FLT3: variants seen among roughly 807,000 people sequenced by gnomAD.
FLT3 encodes the protein receptor-type tyrosine-protein kinase FLT3.
FLT3 carries 46 observed loss-of-function variants against 126.6 expected under a neutral mutation model. That is an observed-to-expected ratio of 0.36 (90% confidence interval 0.29 to 0.46). FLT3 has a LOEUF of 0.46. Among genes scored for constraint, FLT3 ranks in the 20% least tolerant of loss-of-function variants. The probability of loss-of-function intolerance (pLI) is 1.00; values close to 1 mark genes in which losing one functional copy is unlikely to be tolerated. For missense variants in FLT3, 1,069 were observed against 1,190.3 expected, an observed-to-expected ratio of 0.90 and a Z score of 1.50; for synonymous variants, 404 against 434.4, an observed-to-expected ratio of 0.93 and a Z score of 0.87.
rs371030554 is a variant in FLT3, at chr13:28,049,387, C to T, written c.1033G>A (p.Val345Ile). 1.9e-5 allele frequency: 31 copies of T among 1,612,880 alleles called. No individual in the cohort carries two copies. In the Middle Eastern group the frequency reaches 1.3e-3, roughly 69 times the overall value. Reference sequence around the variant, plus strand: ...TTGTGTGAGCAGCCTGCATTACCTACGATGGTAACCAAAGCTGATTGACTG... The same window carrying T: ...TTGTGTGAGCAGCCTGCATTACCTATGATGGTAACCAAAGCTGATTGACTG... ...HPSQSALVTI[V>I]EKGFINATNS... The change falls in exon 8 of 24, where the codon GTA becomes ATA. Residue 345 changes from valine (V) to isoleucine (I), a missense_variant. Transcript: ENST00000241453.
chr13:28,026,217 G>T (rs915165509), intron 17 of FLT3, among the ~76,000 whole-genome samples: 1 of 151,948 alleles, frequency 6.6e-6, no homozygotes, highest in African/African-American at 2.4e-5. Context: ...GGGCGTGGTG[G>T]CACATGCCTG....
At chr13:28,090,598 C>T (rs1208094222) in intron 1 of FLT3, among the ~76,000 whole-genome samples, 1 of 151,980 alleles carries the variant, frequency 6.6e-6, no homozygotes. Context: ...GCCAACATGG[C>T]AAAGCCCCAT....
intron 23 of FLT3, among the ~76,000 whole-genome samples, chr13:28,010,951 G>A (rs576507104): frequency 2.1e-4 from 31 of 146,174 alleles, no homozygotes; most frequent in Non-Finnish European, 3.2e-4. Context: ...TGCAGTGAGC[G>A]GAGATCACGC....
chr13:28,052,437 T>G (rs1875597507), intron 5 of FLT3, 108 bp downstream of exon 5: 2 of 1,175,158 alleles, frequency 1.7e-6, no homozygotes, highest in Non-Finnish European at 2.4e-6. Flanking sequence ...CAAAGTTTCC[T>G]GTTTAAATGA....
At position 28,004,486 on chromosome 13, in the gene FLT3, TG is replaced by T. The variant is rs1870706565; in HGVS notation, c.2860-313del. On this transcript the variant is annotated intron_variant, in intron 23 of 23. Transcript: ENST00000241453. ...ACACCCTGCTAATTTTTTTATTTTT[TG>T]TAAAGACAAAGTCTCACTATGTTGT... Among the ~76,000 whole-genome samples the T allele has an allele frequency of 2.0e-5, 3 of 152,060 alleles. No homozygotes were observed. In the South Asian group the frequency reaches 6.2e-4, roughly 32 times the overall value.
chr13:28,072,877 C>T (rs112031550), intron 1 of FLT3, among the ~76,000 whole-genome samples: 4,786 of 152,034 alleles, frequency 0.031, 251 homozygotes, highest in African/African-American at 0.11. Flanking sequence ...TGGTGGCAGG[C>T]GCCTGCAGTC....
At chr13:28,066,247 G>T (rs1877024157) in intron 2 of FLT3, among the ~76,000 whole-genome samples, 2 of 152,128 alleles carry the variant, frequency 1.3e-5, no homozygotes, top group South Asian at 4.1e-4. Context: ...CCAGGGTATG[G>T]GTTAGTAATT....
At chr13:28,090,874 T>G (rs1210257738) in intron 1 of FLT3, among the ~76,000 whole-genome samples, 1 of 152,080 alleles carries the variant, frequency 6.6e-6, no homozygotes, top group African/African-American at 2.4e-5. Flanking sequence ...TTAATGGAAA[T>G]TCCCAGAATC....
At chr13:28,072,168 ATGTG>A (rs1877575707) in intron 1 of FLT3, among the ~76,000 whole-genome samples, 2 of 150,468 alleles carry the variant, frequency 1.3e-5, no homozygotes, top group Admixed American at 6.7e-5. Flanking sequence ...TTTATATATA[ATGTG>A]TGTATGTATA....
At chr13:28,091,157 T>C (rs1879004871) in intron 1 of FLT3, among the ~76,000 whole-genome samples, 1 of 150,616 alleles carries the variant, frequency 6.6e-6, no homozygotes, top group Non-Finnish European at 1.5e-5. Context: ...AGTTATCAGC[T>C]TTGAAAACTG....
chr13:28,040,354 G>A (rs1593249170), intron 9 of FLT3, among the ~76,000 whole-genome samples: 1 of 151,658 alleles, frequency 6.6e-6, no homozygotes, highest in Non-Finnish European at 1.5e-5. Context: ...AGAGGCACCA[G>A]AAAAAAAGAA....
At chr13:28,088,778 G>A (rs2137822467) in intron 1 of FLT3, among the ~76,000 whole-genome samples, 1 of 151,138 alleles carries the variant, frequency 6.6e-6, no homozygotes, top group South Asian at 2.1e-4. Context: ...TAGAGACGGG[G>A]TTTCACTATG....
Position 28,077,096 on chromosome 13 carries a change from A to AG in FLT3, c.44-6485_44-6484insC, listed in dbSNP as rs58457473. 7.5e-4 allele frequency among the ~76,000 whole-genome samples: 7 copies of AG among 9,294 alleles called. No individual in the cohort carries two copies. The East Asian group carries it at 0.21, about 273-fold the overall frequency. The allele number at this position is 9,294 out of a possible 152,430, so 6.1% of individuals were successfully genotyped here. On this transcript the variant is annotated intron_variant, in intron 1 of 23. Coordinates refer to ENST00000241453, the MANE Select transcript of FLT3 (RefSeq NM_004119.3). ...AAAAGAAAGAAAGAAAGAAAAAGAG[A>AG]AAAAGAAAGAGAGAGAGAAAGAAAG... is the stretch of plus-strand genomic sequence containing the variant.
At chr13:28,052,261 A>G (rs551907892) in intron 5 of FLT3, among the ~76,000 whole-genome samples, 2 of 150,504 alleles carry the variant, frequency 1.3e-5, no homozygotes, top group Admixed American at 1.3e-4. Context: ...CACCCAGTTA[A>G]TTTTTTGTAT....
Position 28,037,277 on chromosome 13 carries a change from A to T in FLT3, c.1217T>A (p.Phe406Tyr). 1.9e-6 allele frequency: 3 copies of T among 1,603,564 alleles called. No homozygotes were observed. The highest frequency in any genetic ancestry group is 2.6e-6 in the Non-Finnish European group (3 of 1,170,854). ...TCCTGGCTGGTGCTTATGATTGCAAAACTTGGATATGCTGTTTGAAAAAGA... is the reference window on the plus strand; with the variant it reads ...TCCTGGCTGGTGCTTATGATTGCAATACTTGGATATGCTGTTTGAAAAAGA... ...GLDNGYSISKFCNHKHQPGEY... is the reference protein window; with the variant it reads ...GLDNGYSISKYCNHKHQPGEY... The change falls in exon 10 of 24, where the codon TTT (phenylalanine) becomes TAT (tyrosine). Residue 406 changes from phenylalanine to tyrosine, a missense_variant. Physicochemically the swap from Phe to Tyr is conservative, Grantham distance 22 (BLOSUM62 3). Coordinates refer to ENST00000241453, the MANE Select transcript of FLT3 (RefSeq NM_004119.3).
At chr13:28,059,684 G>A (rs1483914248) in intron 3 of FLT3, among the ~76,000 whole-genome samples, 1 of 152,072 alleles carries the variant, frequency 6.6e-6, no homozygotes, top group Non-Finnish European at 1.5e-5. Flanking sequence ...TTTCTTGGCT[G>A]GATGCTGTGG....
At chr13:28,073,456 A>T in intron 1 of FLT3, 1 of 367,880 alleles carries the variant, frequency 2.7e-6, no homozygotes, top group Non-Finnish European at 5.4e-6. Context: ...TCATAATCTG[A>T]GACAGTCTCA....
chr13:28,058,216 AAAAC>A (rs1314542173), intron 3 of FLT3, among the ~76,000 whole-genome samples: 5 of 94,134 alleles, frequency 5.3e-5, no homozygotes, highest in South Asian at 4.5e-4. Context: ...TTAAAAAAAA[AAAAC>A]AAAAAAAAAA....
In FLT3 at chr13:28,004,223, C is replaced by G. The variant is rs768405963; in HGVS notation, c.2860-49G>C. On this transcript the variant is annotated intron_variant, in intron 23 of 23. Coordinates refer to ENST00000241453, the MANE Select transcript of FLT3 (RefSeq NM_004119.3). ...CACTGATTACCATCTGATGTAGATG[C>G]ACATGTTATGCGCCCATATTACAAA... 8.8e-6 allele frequency: 14 copies of G among 1,583,704 alleles called. 1 individual carries two copies. The South Asian group carries it at 1.6e-4, about 18-fold the overall frequency.
Sources: allele counts gnomAD v4.1 joint callset (sites outside exome capture counted in the v4.1 genomes callset), GRCh38; gene constraint gnomAD v4.1.1; transcripts MANE v1.5; gene names NCBI Gene and HGNC (gene_info 2026-07-23, HGNC 2026-07-21).